C11orf65: variants seen among roughly 807,000 people sequenced by gnomAD.
C11orf65 encodes the protein protein MFI.
C11orf65 carries 38 observed loss-of-function variants against 35.3 expected under a neutral mutation model. That is an observed-to-expected ratio of 1.08 (90% CI 0.83 to 1.41). C11orf65 has a LOEUF of 1.41. Ranked by LOEUF, C11orf65 falls within the 40% of genes most tolerant of loss-of-function variation. The pLI is 0.00. For synonymous variants in C11orf65, 105 were observed against 114.4 expected (o/e 0.92, Z 0.53); for missense variants, 370 against 367.1 (o/e 1.01, Z -0.06).
chr11:108,386,528 C>T (rs2092004586), intron 7 of C11orf65, among the ~76,000 whole-genome samples: 2 of 152,044 alleles, frequency 1.3e-5, no homozygotes, highest in Admixed American at 1.3e-4. Flanking sequence ...CACCTCAGCT[C>T]CTGAACAGAG....
intron 2 of C11orf65, among the ~76,000 whole-genome samples, chr11:108,433,470 C>T (rs1161465985): frequency 6.6e-6 from 1 of 151,996 alleles, no homozygotes; most frequent in African/African-American, 2.4e-5. Flanking sequence ...GTCCCAGCTA[C>T]TCGGGAGGCT....
rs374628824 is a variant in C11orf65 at position 108,336,032 on chromosome 11, C to T, written c.227-740G>A. On this transcript the variant is annotated intron_variant, in intron 2 of 3. Transcript: ENST00000524755. ...TGCCATTTGGTTGGGTGAAGTGGCT[C>T]ATGCCCATATTCATAATGCTTTGGG... 13 of 1,176,316 alleles carry T rather than the reference C, an allele frequency of 1.1e-5. No individual in the cohort carries two copies. In the African/African-American group the frequency reaches 1.7e-4, roughly 15 times the overall value. The allele number at this position is 1,176,316 out of a possible 1,614,324, so 72.9% of individuals were successfully genotyped here. A position where few individuals can be genotyped will look rare whatever the true frequency, so the allele number is the denominator to read the frequency against.
downstream of C11orf65, among the ~76,000 whole-genome samples, chr11:108,328,217 A>T (rs527833601): frequency 6.6e-6 from 1 of 152,290 alleles, no homozygotes; most frequent in African/African-American, 2.4e-5. Flanking sequence ...AAATAAGTGT[A>T]ACATGAAACA....
chr11:108,364,212 C>T (rs1002122471), intron 2 of C11orf65, among the ~76,000 whole-genome samples: 1 of 152,116 alleles, frequency 6.6e-6, no homozygotes, highest in Non-Finnish European at 1.5e-5. Flanking sequence ...ATACAGATAG[C>T]AGCAAAAAAG....
Position 108,334,795 on chromosome 11 carries a change from G to C in C11orf65, c.299+425C>G, listed in dbSNP as rs55747531. On this transcript the variant is annotated intron_variant, in intron 3 of 3. Coordinates refer to the C11orf65 transcript ENST00000524755. ...TTAGTGAATCTTTGATGAAACAGTAGTTAAAGTTACGAGCGTGAGCCACCA... is the reference window on the plus strand; with the variant it reads ...TTAGTGAATCTTTGATGAAACAGTACTTAAAGTTACGAGCGTGAGCCACCA... 2.4e-3 allele frequency among the ~76,000 whole-genome samples: 365 copies of C among 152,284 alleles called. 2 individuals are homozygous for C. In the East Asian group the frequency reaches 0.04, roughly 17 times the overall value.
rs1205686416 is a variant in C11orf65 at position 108,461,490 on chromosome 11, T to C, written c.70A>G (p.Lys24Glu). Residue 24 changes from lysine to glutamate, a missense_variant, in exon 2 of 9, where the codon AAA (lysine) becomes GAA (glutamate). Lys to Glu is a moderately conservative substitution (Grantham distance 56). Coordinates refer to ENST00000393084, the MANE Select transcript of C11orf65 (RefSeq NM_152587.5). Reference protein sequence around the residue: ...KAARVIQQAWKSFLNVAIFQH... With the variant: ...KAARVIQQAWESFLNVAIFQH... ...CTAAATAAACTCACAAGGAAACTTTTCCAGGCCTGCTGAATGACTCTGGCA... is the reference window on the plus strand; with the variant it reads ...CTAAATAAACTCACAAGGAAACTTTCCCAGGCCTGCTGAATGACTCTGGCA... The C allele has an allele frequency of 6.2e-7, 1 of 1,607,852 alleles. No individual in the cohort carries two copies. Among genetic ancestry groups the C allele is most frequent in the Admixed American group, 1.7e-5 (1 of 59,544 alleles).
At chr11:108,459,957 CTAAGGAAGAA>C (rs2093453583) in intron 2 of C11orf65, among the ~76,000 whole-genome samples, 2 of 152,142 alleles carry the variant, frequency 1.3e-5, no homozygotes, top group African/African-American at 4.8e-5. Flanking sequence ...TCAAAACCAA[CTAAGGAAGAA>C]TAAGTTTTAA....
intron 2 of C11orf65, among the ~76,000 whole-genome samples, chr11:108,440,527 G>C (rs2093135296): frequency 1.3e-5 from 2 of 152,078 alleles, no homozygotes; most frequent in African/African-American, 4.8e-5. Context: ...TATAAAAAAT[G>C]GCCTTTTCAC....
At chr11:108,362,391 C>T (rs917539325) in intron 2 of C11orf65, among the ~76,000 whole-genome samples, 21 of 151,862 alleles carry the variant, frequency 1.4e-4, no homozygotes, top group South Asian at 6.3e-4. Flanking sequence ...GTCAGTGTGG[C>T]GATTCCTCAG....
At chr11:108,388,734 T>G (rs537440495) in intron 7 of C11orf65, among the ~76,000 whole-genome samples, 5 of 152,276 alleles carry the variant, frequency 3.3e-5, no homozygotes, top group African/African-American at 7.2e-5. Flanking sequence ...GAATATCCAT[T>G]AGGATGAATG....
intron 1 of C11orf65, among the ~76,000 whole-genome samples, chr11:108,465,462 T>C (rs2093523347): frequency 6.6e-6 from 1 of 152,152 alleles, no homozygotes; most frequent in Non-Finnish European, 1.5e-5. Flanking sequence ...TCAAATATTG[T>C]TGCAAGGGCA....
At chr11:108,453,506 C>T (rs996176882) in intron 2 of C11orf65, among the ~76,000 whole-genome samples, 2 of 151,966 alleles carry the variant, frequency 1.3e-5, no homozygotes, top group African/African-American at 2.4e-5. Context: ...TTACAAGAGA[C>T]ACAATTTAAA....
chr11:108,368,095 CCTGTT>C (rs1472128412), intron 2 of C11orf65: 10 of 208,266 alleles, frequency 4.8e-5, no homozygotes, highest in Admixed American at 1.2e-4. Flanking sequence ...CTATGAGGCT[CCTGTT>C]CTGTTCAAGT....
chr11:108,363,043 C>T (rs1030702303), intron 2 of C11orf65, among the ~76,000 whole-genome samples: 4 of 152,188 alleles, frequency 2.6e-5, no homozygotes, highest in African/African-American at 9.6e-5. Context: ...TCTACCTAAT[C>T]TTCCCTCCGT....
intron 6 of C11orf65, among the ~76,000 whole-genome samples, chr11:108,311,041 C>T (rs1437177088): frequency 1.3e-5 from 2 of 152,182 alleles, no homozygotes; most frequent in Non-Finnish European, 2.9e-5. Context: ...GATCATAGCT[C>T]ACTGTAGCCT....
At chr11:108,415,915 C>T (rs557618625) in intron 3 of C11orf65, among the ~76,000 whole-genome samples, 12 of 151,806 alleles carry the variant, frequency 7.9e-5, no homozygotes, top group Admixed American at 2.6e-4. Context: ...CGGGAATCCA[C>T]GTTCAAGAAA....
At chr11:108,321,150 C>A (rs1416957803) in intron 6 of C11orf65, 2 of 1,015,922 alleles carry the variant, frequency 2.0e-6, no homozygotes, top group East Asian at 2.7e-5. Context: ...TATTTTGTTT[C>A]CACTGCTATT....
chr11:108,428,851 A>C (rs1484485305), intron 3 of C11orf65, among the ~76,000 whole-genome samples: 1 of 152,172 alleles, frequency 6.6e-6, no homozygotes, highest in Non-Finnish European at 1.5e-5. Flanking sequence ...AAACGAAACA[A>C]AACAAAAAAC....
chr11:108,347,927 T>C (rs2088654689), intron 2 of C11orf65, among the ~76,000 whole-genome samples: 1 of 152,144 alleles, frequency 6.6e-6, no homozygotes, highest in Non-Finnish European at 1.5e-5. Flanking sequence ...AATTAAGGGA[T>C]ATTGTAATAG....
Sources: allele counts gnomAD v4.1 joint callset (sites outside exome capture counted in the v4.1 genomes callset), GRCh38; gene constraint gnomAD v4.1.1; transcripts MANE v1.5; gene names NCBI Gene and HGNC (gene_info 2026-07-23, HGNC 2026-07-21).